DIP2B: variants seen among roughly 807,000 people sequenced by gnomAD.
The protein encoded by DIP2B is disco-interacting protein 2 homolog B.
A neutral mutation model predicts 198.0 loss-of-function variants in DIP2B; 76 were observed. The observed-to-expected ratio is 0.38, with a 90% confidence interval of 0.32 to 0.46. DIP2B has a LOEUF of 0.46. Ranked by LOEUF, DIP2B falls within the 20% of genes least tolerant of loss-of-function variation. DIP2B has a pLI of 0.99. For missense variants in DIP2B, 1,559 were observed against 1,978.4 expected, an observed-to-expected ratio of 0.79 and a Z score of 4.02; for synonymous variants, 701 against 739.1, an observed-to-expected ratio of 0.95 and a Z score of 0.84.
intron 1 of DIP2B, among the ~76,000 whole-genome samples, chr12:50,551,457 A>G (rs1309749330): frequency 6.6e-6 from 1 of 151,926 alleles, no homozygotes; most frequent in African/African-American, 2.4e-5. Context: ...GTATGTGTGT[A>G]TTTTGAGACA....
At chr12:50,702,086 A>G (rs1939427418) in intron 19 of DIP2B, among the ~76,000 whole-genome samples, 1 of 152,164 alleles carries the variant, frequency 6.6e-6, no homozygotes, top group Non-Finnish European at 1.5e-5. Context: ...ACGATGGCTC[A>G]CACCTGTAAT....
At chr12:50,545,167 G>C (rs1314892055) in intron 1 of DIP2B, among the ~76,000 whole-genome samples, 1 of 152,132 alleles carries the variant, frequency 6.6e-6, no homozygotes, top group Non-Finnish European at 1.5e-5. Context: ...TAGTGGAATT[G>C]CTTGGTCTTA....
At chr12:50,620,734 T>C (rs1937795901) in intron 1 of DIP2B, among the ~76,000 whole-genome samples, 1 of 152,360 alleles carries the variant, frequency 6.6e-6, no homozygotes, top group South Asian at 2.1e-4. Flanking sequence ...ATATGCCAGA[T>C]GGCAAAAAGT....
chr12:50,702,734 TAA>T (rs35373628), intron 19 of DIP2B, among the ~76,000 whole-genome samples: 6,353 of 39,568 alleles, frequency 0.16, 230 homozygotes, highest in Middle Eastern at 0.25. Context: ...CCTCATCTCT[TAA>T]AAAAAAAAAA....
intron 1 of DIP2B, among the ~76,000 whole-genome samples, chr12:50,603,142 C>T (rs1189387149): frequency 2.0e-5 from 3 of 150,264 alleles, no homozygotes; most frequent in South Asian, 2.1e-4. Flanking sequence ...CCAGCCTGGG[C>T]GACAGAGCGA....
At position 50,660,238 on chromosome 12, in the gene DIP2B, G is replaced by A. The variant is rs779894888; in HGVS notation, c.346G>A (p.Glu116Lys). ...TCAGGCTGCACTGGCAAAGCATAAA[G>A]AACAGAAGATGGCTTTGCCCATGCC... ...AVQAALAKHK[E>K]QKMALPMPTK... The change falls in exon 4 of 38, where the codon GAA (glutamate) becomes AAA (lysine). Residue 116 changes from glutamate (E) to lysine (K), a missense_variant. By Grantham distance (56) the Glu-to-Lys change is moderately conservative. Transcript: ENST00000301180. 1 of 1,613,300 alleles carries A rather than the reference G, an allele frequency of 6.2e-7. No homozygotes were observed. Among genetic ancestry groups the A allele is most frequent in the Admixed American group, 1.7e-5 (1 of 59,922 alleles).
In DIP2B at chr12:50,674,571, G is replaced by T; in HGVS notation, c.738G>T (p.Gly246=). The change falls in exon 6 of 38, where the codon GGG becomes GGT. Residue 246 remains glycine, a synonymous_variant. Transcript: ENST00000301180. ...CAAACATTGACCTGCCCCCCTCGGG[G>T]ATAGTTAAAGGCATGCACAAAGGAT... ...RPANIDLPPS[G]IVKGMHKGSN... is the part of the protein sequence containing the mutation. The T allele has an allele frequency of 1.2e-6, 2 of 1,614,158 alleles. No homozygotes were observed. Among genetic ancestry groups the T allele is most frequent in the Non-Finnish European group, 1.7e-6 (2 of 1,180,042 alleles).
chr12:50,623,417 ACACACACACACACACACACACT>A (rs1317320877), intron 1 of DIP2B, among the ~76,000 whole-genome samples: 1 of 92,322 alleles, frequency 1.1e-5, no homozygotes, highest in African/African-American at 4.9e-5. Context: ...ACACACACAC[ACACACACACACACACACACACT>A]CTCTCTCTCT....
At chr12:50,580,738 C>T (rs1425557373) in intron 1 of DIP2B, among the ~76,000 whole-genome samples, 1 of 148,364 alleles carries the variant, frequency 6.7e-6, no homozygotes, top group African/African-American at 2.5e-5. Flanking sequence ...TGTCAGAGCT[C>T]TGGGTTGGGG....
chr12:50,717,943 A>G (rs1351864473), intron 23 of DIP2B, among the ~76,000 whole-genome samples: 2 of 111,792 alleles, frequency 1.8e-5, no homozygotes, highest in Non-Finnish European at 3.4e-5. Flanking sequence ...CTCTGTCGCC[A>G]TACTGGAGTG....
intron 3 of DIP2B, among the ~76,000 whole-genome samples, chr12:50,648,915 A>C (rs976218718): frequency 2.0e-5 from 3 of 152,228 alleles, no homozygotes; most frequent in African/African-American, 7.2e-5. Context: ...CAATTTAGTC[A>C]GCAAGATATA....
chr12:50,660,089 C>CT, intron 3 of DIP2B, 105 bp from the exon 4 acceptor site: 1 of 989,796 alleles, frequency 1.0e-6, no homozygotes, highest in Non-Finnish European at 1.4e-6. Flanking sequence ...GTCCCCTTTA[C>CT]CTTTTTTTTT....
At chr12:50,692,861 A>G in intron 13 of DIP2B, 88 bp from the exon 14 acceptor site, 1 of 1,130,136 alleles carries the variant, frequency 8.8e-7, no homozygotes, top group Non-Finnish European at 1.3e-6. Context: ...ACAAACATCA[A>G]ATCAGTTGTT....
intron 1 of DIP2B, among the ~76,000 whole-genome samples, chr12:50,587,217 A>G (rs1318507184): frequency 1.3e-5 from 2 of 152,200 alleles, no homozygotes; most frequent in African/African-American, 4.8e-5. Context: ...TGAAGTGTAT[A>G]GTGATAAAAT....
chr12:50,549,292 C>A (rs1958405219), intron 1 of DIP2B, among the ~76,000 whole-genome samples: 1 of 151,890 alleles, frequency 6.6e-6, no homozygotes, highest in Non-Finnish European at 1.5e-5. Flanking sequence ...TATGGTGAAA[C>A]CCCGTCTCTA....
chr12:50,695,122 T>C, intron 14 of DIP2B, 145 bp from the exon 15 acceptor site: 2 of 586,118 alleles, frequency 3.4e-6, no homozygotes, highest in South Asian at 3.1e-5. Flanking sequence ...TTCAATCTTA[T>C]ATTTAATATT....
rs1249490648 is a variant in DIP2B, at chr12:50,732,290, G to C, written c.3811-76G>C. The C allele has an allele frequency of 2.0e-6, 3 of 1,534,802 alleles. No homozygotes were observed. In the African/African-American group the frequency reaches 4.1e-5, roughly 21 times the overall value. ...TTGCTTGGCTTTTCCTGACCAAGGA[G>C]CTAGAACAGTGGCCTTACCTGTTCA... On this transcript the variant is annotated intron_variant, in intron 31 of 37. Transcript: ENST00000301180.
Position 50,563,843 on chromosome 12 carries a change from G to A in DIP2B, c.100+58603G>A, listed in dbSNP as rs1958541281. Among the ~76,000 whole-genome samples the A allele has an allele frequency of 2.6e-5, 4 of 150,974 alleles. No individual in the cohort carries two copies. The South Asian group carries it at 8.4e-4, about 32-fold the overall frequency. On this transcript the variant is annotated intron_variant, in intron 1 of 37. Coordinates refer to ENST00000301180, the MANE Select transcript of DIP2B (RefSeq NM_173602.3). ...TCATTCTGTGTACCTTAACTTCTTT[G>A]ATCCTTCATTCTTGAAATTTTAGCA... is the stretch of plus-strand genomic sequence containing the variant.
intron 29 of DIP2B, among the ~76,000 whole-genome samples, 159 bp downstream of exon 29, chr12:50,727,971 C>T (rs1939967364): frequency 6.6e-6 from 1 of 152,190 alleles, no homozygotes; most frequent in South Asian, 2.1e-4. Flanking sequence ...ATTGGCTCCT[C>T]TGGAATGAGT....
Sources: allele counts gnomAD v4.1 joint callset (sites outside exome capture counted in the v4.1 genomes callset), GRCh38; gene constraint gnomAD v4.1.1; transcripts MANE v1.5; gene names NCBI Gene and HGNC (gene_info 2026-07-23, HGNC 2026-07-21).